ITIH1: variants seen among roughly 807,000 people sequenced by gnomAD.
ITIH1 encodes inter-alpha-trypsin inhibitor heavy chain 1.
A neutral mutation model predicts 104.6 loss-of-function variants in ITIH1; 94 were observed. The observed-to-expected ratio is 0.90, with a 90% confidence interval of 0.76 to 1.07. The LOEUF (loss-of-function observed/expected upper bound fraction) is 1.07, where lower values mean the gene tolerates loss of function less well. ITIH1 is among the 50% of genes least tolerant of loss of function. ITIH1 has a pLI of 0.00. For missense variants in ITIH1, 1,193 were observed against 1,181.4 expected (o/e 1.01, Z -0.14); for synonymous variants, 455 against 464.4 (o/e 0.98, Z 0.26).
intron 20 of ITIH1, 102 bp from the exon 21 acceptor site, chr3:52,791,415 A>G: frequency 6.0e-6 from 5 of 834,758 alleles, no homozygotes; most frequent in Non-Finnish European, 7.6e-6. Flanking sequence ...CTGGAAAAAA[A>G]GCGGTCCAGC....
chr3:52,784,355 C>A lies in ITIH1; in HGVS notation c.1285C>A (p.Pro429Thr). The change falls in exon 11 of 22, where the codon CCG becomes ACG. Residue 429 changes from proline (P) to threonine (T), a missense_variant. Coordinates refer to ENST00000273283, the MANE Select transcript of ITIH1 (RefSeq NM_002215.4). ...CCGCAACGCCATCCGGGGCAGGTTC[C>A]CGCTCTACAACCTGGGTTTCGGCCA... is the stretch of plus-strand genomic sequence containing the variant. ...NVRNAIRGRFPLYNLGFGHNV... is the reference protein window; with the variant it reads ...NVRNAIRGRFTLYNLGFGHNV... 6.2e-7 allele frequency: 1 copy of A among 1,614,172 alleles called. No homozygotes were observed. The highest frequency in any genetic ancestry group is 2.2e-5 in the East Asian group (1 of 44,874).
Position 52,777,641 on chromosome 3 carries a change from G to A in ITIH1, c.26G>A (p.Gly9Glu), listed in dbSNP as rs779679104. 1.3e-6 allele frequency: 2 copies of A among 1,597,142 alleles called. No homozygotes were observed. The highest frequency in any genetic ancestry group is 3.5e-5 in the Admixed American group (2 of 56,952). The change falls in exon 1 of 22, where the codon GGG becomes GAG. Residue 9 changes from glycine (G) to glutamate (E), a missense_variant. Coordinates refer to ENST00000273283, the MANE Select transcript of ITIH1 (RefSeq NM_002215.4). ...ATGGACGGTGCCATGGGGCCTCGGG[G>A]GCTGCTGTTGTGCATGTACCTGGTA... MDGAMGPR[G>E]LLLCMYLVSL...
intron 1 of ITIH1, 43 bp downstream of exon 1, chr3:52,777,775 T>C: frequency 2.6e-6 from 4 of 1,515,870 alleles, no homozygotes; most frequent in Non-Finnish European, 3.6e-6. Context: ...CAGCTGAACC[T>C]GGATGAGGCC....
At chr3:52,789,543 C>T in intron 18 of ITIH1, 110 bp from the exon 19 acceptor site, 1 of 920,434 alleles carries the variant, frequency 1.1e-6, no homozygotes, top group East Asian at 2.4e-5. Context: ...CTCTCAAAGA[C>T]AGAGTGGCAC....
At chr3:52,788,661 A>T (rs1699269090) in intron 18 of ITIH1, among the ~76,000 whole-genome samples, 1 of 151,494 alleles carries the variant, frequency 6.6e-6, no homozygotes, top group Non-Finnish European at 1.5e-5. Flanking sequence ...CCTGGGTTCA[A>T]GTGATTCTCC....
At chr3:52,784,732 A>G (rs535120507) in intron 11 of ITIH1, among the ~76,000 whole-genome samples, 1 of 152,178 alleles carries the variant, frequency 6.6e-6, no homozygotes, top group Admixed American at 6.5e-5. Flanking sequence ...AAAATTAGCC[A>G]GGTGTGGTGG....
intron 18 of ITIH1, among the ~76,000 whole-genome samples, chr3:52,789,433 G>A (rs1219732423): frequency 1.3e-5 from 2 of 152,186 alleles, no homozygotes; most frequent in Admixed American, 6.5e-5. Context: ...ACCCAGAACT[G>A]AGAGCTGAGT....
Position 52,783,145 on chromosome 3 carries a change from G to A in ITIH1, c.1099+20G>A. On this transcript the variant is annotated intron_variant, in intron 9 of 21. Coordinates refer to ENST00000273283, the MANE Select transcript of ITIH1 (RefSeq NM_002215.4). ...ATGAGGGTAAGGGTGGGGGTCTCAG[G>A]CAACCTTGATGTCACCTCTGTCCCC... 9 of 1,368,356 alleles carry A rather than the reference G, an allele frequency of 6.6e-6. No homozygotes were observed. The highest frequency in any genetic ancestry group is 8.2e-6 in the Non-Finnish European group (8 of 974,906). The allele number at this position is 1,368,356 out of a possible 1,614,324, so 84.8% of individuals were successfully genotyped here. A position where few individuals can be genotyped will look rare whatever the true frequency, so the allele number is the denominator to read the frequency against.
chr3:52,782,860 C>A, intron 8 of ITIH1, 97 bp from the exon 9 acceptor site: 1 of 1,220,852 alleles, frequency 8.2e-7, no homozygotes, highest in Non-Finnish European at 1.2e-6. Context: ...TGCTTGTCCA[C>A]CCTGTGGATC....
rs148820588 is a variant in ITIH1, at chr3:52,783,114, C to A, written c.1088C>A (p.Ser363Tyr). The A allele has an allele frequency of 2.9e-4, 465 of 1,613,894 alleles. 1 individual carries two copies. The highest frequency in any genetic ancestry group is 3.8e-4 in the Non-Finnish European group (453 of 1,180,010). Residue 363 changes from serine to tyrosine, a missense_variant, in exon 9 of 22, where the codon TCC becomes TAC. Ser to Tyr is a moderately radical substitution (Grantham distance 144). Coordinates refer to ENST00000273283, the MANE Select transcript of ITIH1 (RefSeq NM_002215.4). ...QAAQDFVRGF[S>Y]LDEATNLNGG... is the part of the protein sequence containing the mutation. The stretch of plus-strand genomic sequence containing the variant: ...GCTCAAGACTTTGTGCGGGGCTTTT[C>A]CCTGGATGAGGGTAAGGGTGGGGGT...
chr3:52,790,166 C>T (rs1699316332), intron 19 of ITIH1: 5 of 442,312 alleles, frequency 1.1e-5, no homozygotes, highest in East Asian at 4.2e-5. Context: ...CCCCTCAGCC[C>T]TCCTGCTCTC....
intron 8 of ITIH1, 95 bp from the exon 9 acceptor site, chr3:52,782,862 C>A: frequency 8.1e-7 from 1 of 1,236,408 alleles, no homozygotes; most frequent in Non-Finnish European, 1.2e-6. Flanking sequence ...CTTGTCCACC[C>A]TGTGGATCTC....
intron 13 of ITIH1, 77 bp from the exon 14 acceptor site, chr3:52,786,867 TG>T: frequency 7.0e-7 from 1 of 1,435,588 alleles, no homozygotes; most frequent in Non-Finnish European, 9.5e-7. Flanking sequence ...AATGAATGAA[TG>T]AATAAGTGAA....
Position 52,792,003 on chromosome 3 carries a change from C to G in ITIH1, c.*92C>G. On this transcript the variant is annotated 3_prime_UTR_variant, in exon 22 of 22. Transcript: ENST00000273283. ...TGCTGCTGAGGCTGTACCTCCTTGA[C>G]TAAGCTGGTTCCTTGTGTCAAAGCA... 7.1e-7 allele frequency: 1 copy of G among 1,399,120 alleles called. No individual in the cohort carries two copies. Among genetic ancestry groups the G allele is most frequent in the Non-Finnish European group, 9.8e-7 (1 of 1,024,904 alleles). 86.7% of individuals were successfully genotyped at this position (1,399,120 alleles called of 1,614,324 possible).
chr3:52,787,596 G>T lies in ITIH1; in HGVS notation c.1908G>T (p.Met636Ile). ...KPSEDSPPLE[M>I]LGPRRTFVLS... Reference sequence around the variant, plus strand: ...ATATGTCCTTGTCTTCTACAGAGATGCTGGGACCCAGAAGGAGTAAGTGGC... The same window carrying T: ...ATATGTCCTTGTCTTCTACAGAGATTCTGGGACCCAGAAGGAGTAAGTGGC... Residue 636 changes from methionine to isoleucine, a missense_variant, in exon 16 of 22, where the codon ATG becomes ATT. Coordinates refer to ENST00000273283, the MANE Select transcript of ITIH1 (RefSeq NM_002215.4). 1 of 1,614,192 alleles carries T rather than the reference G, an allele frequency of 6.2e-7. No individual in the cohort carries two copies. Among genetic ancestry groups the T allele is most frequent in the Non-Finnish European group, 8.5e-7 (1 of 1,180,024 alleles).
At position 52,789,708 on chromosome 3, in the gene ITIH1, T is replaced by C. The variant is rs1409916026; in HGVS notation, c.2175T>C (p.His725=). 1 of 1,614,226 alleles carries C rather than the reference T, an allele frequency of 6.2e-7. No homozygotes were observed. The change falls in exon 19 of 22, where the codon CAT becomes CAC. Residue 725 remains histidine, a synonymous_variant. Coordinates refer to ENST00000273283, the MANE Select transcript of ITIH1 (RefSeq NM_002215.4). ...ACAAGGCCAGGAGCCCTGGGCAGCA[T>C]GACGGCACGTACTTCGGGCGGCTGG... ...IGNKARSPGQ[H]DGTYFGRLGI...
rs376054193 is a variant in ITIH1 at position 52,778,094 on chromosome 3, G to A, written c.138+77G>A. The A allele has an allele frequency of 1.1e-3, 1,697 of 1,515,306 alleles. 9 individuals are homozygous for A. The highest frequency in any genetic ancestry group is 4.8e-3 in the South Asian group (427 of 89,088). The allele number at this position is 1,515,306 out of a possible 1,614,324, so 93.9% of individuals were successfully genotyped here. A position where few individuals can be genotyped will look rare whatever the true frequency, so the allele number is the denominator to read the frequency against. On this transcript the variant is annotated intron_variant, in intron 2 of 21. Coordinates refer to ENST00000273283, the MANE Select transcript of ITIH1 (RefSeq NM_002215.4). ...TTGCTTTCCCCAACCTGTCAGGGGT[G>A]GACCCCTCTATCAGGGCCATAGGCA... is the stretch of plus-strand genomic sequence containing the variant.
intron 18 of ITIH1, among the ~76,000 whole-genome samples, chr3:52,788,867 A>G (rs1353364929): frequency 1.3e-5 from 2 of 152,118 alleles, no homozygotes; most frequent in Non-Finnish European, 2.9e-5. Context: ...AGCCAGTTTA[A>G]TGCTCTTCCG....
Position 52,778,319 on chromosome 3 carries a change from C to G in ITIH1, c.139-21C>G, listed in dbSNP as rs200397425. On this transcript the variant is annotated intron_variant, in intron 2 of 21. Coordinates refer to ENST00000273283, the MANE Select transcript of ITIH1 (RefSeq NM_002215.4). ...ACAGAGGCCCTGTCTCAGGCCACAGCTCCTTCATGTCTCACTTTAGGCTGT... is the reference window on the plus strand; with the variant it reads ...ACAGAGGCCCTGTCTCAGGCCACAGGTCCTTCATGTCTCACTTTAGGCTGT... 9 of 1,612,726 alleles carry G rather than the reference C, an allele frequency of 5.6e-6. No individual in the cohort carries two copies. In the Admixed American group the frequency reaches 1.5e-4, roughly 27 times the overall value.
Sources: allele counts gnomAD v4.1 joint callset (sites outside exome capture counted in the v4.1 genomes callset), GRCh38; gene constraint gnomAD v4.1.1; transcripts MANE v1.5; gene names NCBI Gene and HGNC (gene_info 2026-07-23, HGNC 2026-07-21).